NLGN1: variants seen among roughly 807,000 people sequenced by gnomAD.
NLGN1 encodes the protein neuroligin 1.
A neutral mutation model predicts 65.5 loss-of-function variants in NLGN1; 12 were observed. That is an observed-to-expected ratio of 0.18 (90% CI 0.12 to 0.30). The LOEUF is 0.30. NLGN1 is among the 10% of genes least tolerant of loss of function. The probability of loss-of-function intolerance (pLI) is 1.00; values close to 1 mark genes in which losing one functional copy is unlikely to be tolerated. For missense variants in NLGN1, 750 were observed against 1,007.1 expected (o/e 0.74, Z 3.46); for synonymous variants, 350 against 359.5 (o/e 0.97, Z 0.30).
chr3:174,177,508 A>G (rs762453301), intron 4 of NLGN1, among the ~76,000 whole-genome samples: 122 of 152,044 alleles, frequency 8.0e-4, no homozygotes, highest in Non-Finnish European at 1.6e-3. Context: ...AGTATATATT[A>G]CATATAATAA....
intron 3 of NLGN1, among the ~76,000 whole-genome samples, chr3:173,675,887 T>TCTCTCTCTCTCACACA (rs756157881): frequency 3.9e-4 from 54 of 138,638 alleles, no homozygotes; most frequent in African/African-American, 1.5e-3. Flanking sequence ...TCTCTCTCTC[T>TCTCTCTCTCTCACACA]CACACACACA....
intron 2 of NLGN1, among the ~76,000 whole-genome samples, chr3:173,447,117 T>C: frequency 6.6e-6 from 1 of 152,222 alleles, no homozygotes; most frequent in Admixed American, 6.5e-5. Flanking sequence ...GCTTTTGGTG[T>C]TTTAGTCATG....
intron 1 of NLGN1, among the ~76,000 whole-genome samples, chr3:173,408,526 C>A (rs1326393480): frequency 6.6e-6 from 1 of 152,122 alleles, no homozygotes; most frequent in Non-Finnish European, 1.5e-5. Flanking sequence ...GCTAGAATAA[C>A]CAGCACCTGG....
intron 4 of NLGN1, among the ~76,000 whole-genome samples, chr3:173,939,131 A>G (rs1745543947): frequency 6.6e-6 from 1 of 152,232 alleles, no homozygotes; most frequent in African/African-American, 2.4e-5. Context: ...TACTCCAAAA[A>G]TCAATTAATG....
intron 4 of NLGN1, among the ~76,000 whole-genome samples, chr3:174,008,591 C>T (rs975189500): frequency 1.1e-4 from 16 of 151,826 alleles, no homozygotes; most frequent in African/African-American, 3.1e-4. Flanking sequence ...TATAGTAAGC[C>T]CCTTACTGAA....
At chr3:173,565,060 G>C (rs1376571085) in intron 2 of NLGN1, among the ~76,000 whole-genome samples, 1 of 152,284 alleles carries the variant, frequency 6.6e-6, no homozygotes, top group South Asian at 2.1e-4. Context: ...CTCTGCCCAG[G>C]ATGATAAGGA....
chr3:173,923,711 T>C (rs1010383897), intron 4 of NLGN1, among the ~76,000 whole-genome samples: 25 of 152,178 alleles, frequency 1.6e-4, no homozygotes, highest in African/African-American at 5.8e-4. Context: ...GTAAAGAAAA[T>C]ATTTAAAATA....
intron 2 of NLGN1, among the ~76,000 whole-genome samples, chr3:173,507,011 G>A (rs569998168): frequency 2.0e-5 from 3 of 152,140 alleles, no homozygotes; most frequent in South Asian, 2.1e-4. Context: ...ATTCTTTTTC[G>A]TCCTTACTCT....
At chr3:173,444,279 G>T (rs1023778682) in intron 2 of NLGN1, among the ~76,000 whole-genome samples, 8 of 152,160 alleles carry the variant, frequency 5.3e-5, no homozygotes, top group Admixed American at 3.3e-4. Flanking sequence ...AACGATAGAT[G>T]TCTGTGGCTC....
chr3:173,491,080 C>T (rs1729058787), intron 2 of NLGN1, among the ~76,000 whole-genome samples: 1 of 151,760 alleles, frequency 6.6e-6, no homozygotes, highest in Non-Finnish European at 1.5e-5. Flanking sequence ...ACTGAATACC[C>T]TTTATTTCTT....
chr3:173,512,641 G>A (rs1452101728), intron 2 of NLGN1, among the ~76,000 whole-genome samples: 3 of 152,142 alleles, frequency 2.0e-5, no homozygotes, highest in African/African-American at 7.2e-5. Context: ...AGAACCAATC[G>A]GGAGAGAGTG....
intron 4 of NLGN1, among the ~76,000 whole-genome samples, chr3:174,147,716 G>A (rs1165184335): frequency 6.6e-6 from 1 of 151,988 alleles, no homozygotes; most frequent in South Asian, 2.1e-4. Context: ...GGATCTGGCC[G>A]AAAACGTGCT....
chr3:174,293,514 AAAG>A, the NLGN1 span, among the ~76,000 whole-genome samples: 1 of 151,644 alleles, frequency 6.6e-6, no homozygotes, highest in Non-Finnish European at 1.5e-5. Context: ...ACTTCAGAAA[AAAG>A]AAGAAAAGTT....
chr3:173,628,771 G>T (rs1336279312), intron 3 of NLGN1, among the ~76,000 whole-genome samples: 1 of 151,854 alleles, frequency 6.6e-6, no homozygotes, highest in Non-Finnish European at 1.5e-5. Flanking sequence ...TCAGCTCACT[G>T]CAACCTCTGT....
intron 4 of NLGN1, among the ~76,000 whole-genome samples, chr3:174,017,887 T>G (rs1162695983): frequency 6.6e-6 from 1 of 152,138 alleles, no homozygotes; most frequent in African/African-American, 2.4e-5. Context: ...TGATAACATC[T>G]TATCAGGAGA....
intron 2 of NLGN1, among the ~76,000 whole-genome samples, chr3:173,560,496 C>A (rs1298541323): frequency 6.6e-6 from 1 of 150,792 alleles, no homozygotes; most frequent in Non-Finnish European, 1.5e-5. Flanking sequence ...AAATTTACTC[C>A]TGTAGATTTA....
At chr3:173,963,466 T>C (rs999606086) in intron 4 of NLGN1, among the ~76,000 whole-genome samples, 5 of 152,174 alleles carry the variant, frequency 3.3e-5, no homozygotes, top group Admixed American at 1.3e-4. Flanking sequence ...CTACCCGTTC[T>C]ATGTACGGAT....
chr3:173,961,624 G>A (rs1713581129), intron 4 of NLGN1, among the ~76,000 whole-genome samples: 1 of 151,974 alleles, frequency 6.6e-6, no homozygotes, highest in Admixed American at 6.6e-5. Flanking sequence ...GTATAACTCT[G>A]TGTAATCTTA....
At chr3:173,730,094 T>G (rs1047084665) in intron 3 of NLGN1, among the ~76,000 whole-genome samples, 1 of 151,736 alleles carries the variant, frequency 6.6e-6, no homozygotes, top group Non-Finnish European at 1.5e-5. Flanking sequence ...TTTTAGATAT[T>G]GAAAATATAA....
Sources: gnomAD v4.1 joint callset for allele counts (sites outside exome capture counted in the v4.1 genomes callset) on GRCh38, gnomAD v4.1.1 for gene constraint, MANE v1.5 for transcripts, NCBI Gene and HGNC (gene_info 2026-07-23, HGNC 2026-07-21) for gene names.